Variants in ESS2 observed in about 807,000 individuals in gnomAD.
The protein encoded by ESS2 is ess-2 spliceosome associated protein.
In ESS2, 31 loss-of-function variants were observed where a neutral mutation model predicts 52.0. That is an observed-to-expected ratio of 0.60 (90% confidence interval 0.45 to 0.81). The LOEUF (loss-of-function observed/expected upper bound fraction) is 0.81, where lower values mean the gene tolerates loss of function less well. Among genes scored for constraint, ESS2 ranks in the 30% least tolerant of loss-of-function variants. ESS2 has a pLI of 0.00. For synonymous variants in ESS2, 285 were observed against 259.2 expected (o/e 1.10, Z -0.95); for missense variants, 602 against 637.2 (o/e 0.94, Z 0.59).
In ESS2 at chr22:19,135,480, G is replaced by A. The variant is rs116659906; in HGVS notation, c.1036-305C>T. ...AGAGTGAACATCTCTGTCTTTATCG[G>A]CGCTCTGTATTTCGGGCGCTTCCCC... On this transcript the variant is annotated intron_variant, in intron 8 of 9. Transcript: ENST00000252137. 7.7e-3 allele frequency among the ~76,000 whole-genome samples: 1,171 copies of A among 152,252 alleles called. 19 individuals carry two copies. The highest frequency in any genetic ancestry group is 0.026 in the African/African-American group (1,092 of 41,530).
chr22:19,132,509 T>C lies in ESS2; in HGVS notation c.*1687A>G. The C allele has an allele frequency of 6.4e-7, 1 of 1,570,370 alleles. No individual in the cohort carries two copies. Among genetic ancestry groups the C allele is most frequent in the Non-Finnish European group, 8.7e-7 (1 of 1,154,748 alleles). ...ATGGCCCCGTTGTGTGTGGTGGGGGTCGGGGTTGGGGGGCATGGTGCAGTC... is the reference window on the plus strand; with the variant it reads ...ATGGCCCCGTTGTGTGTGGTGGGGGCCGGGGTTGGGGGGCATGGTGCAGTC... On this transcript the variant is annotated 3_prime_UTR_variant, in exon 10 of 10. Transcript: ENST00000252137. This position sits in a 1 kb window ranked among gnomAD's most constrained non-coding sequence, Gnocchi z 4.2.
rs562207874 is a variant in ESS2 at position 19,130,369 on chromosome 22, T to A, written c.*3827A>T. Reference sequence around the variant, plus strand: ...ACCAACTCAAAGTGCTACAATTTTCTTACTGTTTATATAGGTTGGGGTTAT... The same window carrying A: ...ACCAACTCAAAGTGCTACAATTTTCATACTGTTTATATAGGTTGGGGTTAT... On this transcript the variant is annotated 3_prime_UTR_variant, in exon 10 of 10. Coordinates refer to ENST00000252137, the MANE Select transcript of ESS2 (RefSeq NM_022719.3). The A allele has an allele frequency of 1.2e-5, 2 of 162,024 alleles. No homozygotes were observed. The highest frequency in any genetic ancestry group is 4.8e-5 in the African/African-American group (2 of 41,744). 10.0% of individuals were successfully genotyped at this position (162,024 alleles called of 1,614,324 possible).
intron 3 of ESS2, among the ~76,000 whole-genome samples, chr22:19,140,492 C>T (rs531919793): frequency 1.4e-4 from 21 of 152,254 alleles, no homozygotes; most frequent in African/African-American, 4.6e-4. Flanking sequence ...GGGTGGTCAT[C>T]GCCTAATCAT....
In ESS2 at chr22:19,132,582, G is replaced by GGCAC. The variant is rs1335320412; in HGVS notation, c.*1613_*1614insGTGC. ...GCAGGTAGGATCTGAAGAAGGCACA[G>GGCAC]GTGCAAGTAAAATTCGTCAATTAAA... On this transcript the variant is annotated 3_prime_UTR_variant, in exon 10 of 10. Coordinates refer to ENST00000252137, the MANE Select transcript of ESS2 (RefSeq NM_022719.3). This position sits in a 1 kb window ranked among gnomAD's most constrained non-coding sequence, Gnocchi z 4.2. 1 of 1,168,572 alleles carries GGCAC rather than the reference G, an allele frequency of 8.6e-7. No individual in the cohort carries two copies. Among genetic ancestry groups the GGCAC allele is most frequent in the African/African-American group, 1.5e-5 (1 of 64,770 alleles). The allele number at this position is 1,168,572 out of a possible 1,614,324, so 72.4% of individuals were successfully genotyped here.
chr22:19,138,003 G>A, intron 7 of ESS2: 1 of 985,442 alleles, frequency 1.0e-6, no homozygotes, highest in Non-Finnish European at 1.2e-6. Context: ...TCTCAGGCCA[G>A]GTCTGCCTGA....
chr22:19,143,943 C>T, intron 1 of ESS2: 1 of 665,298 alleles, frequency 1.5e-6, no homozygotes, highest in Non-Finnish European at 1.9e-6. Context: ...TCTGCACCTC[C>T]AGCCAGACCT....
intron 1 of ESS2, among the ~76,000 whole-genome samples, chr22:19,143,787 C>G (rs2083736222): frequency 6.6e-6 from 1 of 152,138 alleles, no homozygotes; most frequent in Non-Finnish European, 1.5e-5. Context: ...ACCCAGGAGG[C>G]AGAGGTTGGT....
In ESS2 at chr22:19,137,379, T is replaced by C; in HGVS notation, c.979A>G (p.Arg327Gly). 1 of 1,613,732 alleles carries C rather than the reference T, an allele frequency of 6.2e-7. No individual in the cohort carries two copies. The highest frequency in any genetic ancestry group is 1.1e-5 in the South Asian group (1 of 91,068). The change falls in exon 8 of 10, where the codon AGA (arginine) becomes GGA (glycine). Residue 327 changes from arginine to glycine, a missense_variant. Physicochemically the swap from Arg to Gly is moderately radical, Grantham distance 125. Transcript: ENST00000252137. ...TWGEVENTPLRVEGSETPYVD... is the reference protein window; with the variant it reads ...TWGEVENTPLGVEGSETPYVD... ...TAGGGCGTTTCCGACCCTTCAACTC[T>C]CAAGGGTGTGTTCTCAACCTCCCCC...
At position 19,132,721 on chromosome 22, in the gene ESS2, G is replaced by T; in HGVS notation, c.*1475C>A. 2.0e-6 allele frequency: 1 copy of T among 507,960 alleles called. No individual in the cohort carries two copies. Among genetic ancestry groups the T allele is most frequent in the Non-Finnish European group, 3.5e-6 (1 of 285,590 alleles). 31.5% of individuals were successfully genotyped at this position (507,960 alleles called of 1,614,324 possible). On this transcript the variant is annotated 3_prime_UTR_variant, in exon 10 of 10. Transcript: ENST00000252137. This position sits in a 1 kb window ranked among gnomAD's most constrained non-coding sequence, Gnocchi z 4.2. Reference sequence around the variant, plus strand: ...GCAAGCATCAAGAGTGCCCAGTGAGGAGTGTTTTTCTCTGGGACTCAGCCA... The same window carrying T: ...GCAAGCATCAAGAGTGCCCAGTGAGTAGTGTTTTTCTCTGGGACTCAGCCA...
intron 8 of ESS2, among the ~76,000 whole-genome samples, chr22:19,136,583 ATC>A (rs2083586187): frequency 6.6e-6 from 1 of 152,126 alleles, no homozygotes; most frequent in African/African-American, 2.4e-5. Context: ...TTCAGAATTT[ATC>A]TGTTTACTGT....
intron 1 of ESS2, 132 bp downstream of exon 1, chr22:19,144,374 T>C: frequency 6.6e-7 from 1 of 1,525,930 alleles, no homozygotes; most frequent in Admixed American, 2.0e-5. Flanking sequence ...ACTTGACTCG[T>C]GGGACCGTCC....
At chr22:19,137,459 T>G in intron 7 of ESS2, 27 bp from the exon 8 acceptor site, 1 of 1,573,802 alleles carries the variant, frequency 6.4e-7, no homozygotes, top group Non-Finnish European at 8.7e-7. Context: ...CAAAACCACC[T>G]CAGGCCAGAG....
In ESS2 at chr22:19,144,083, CCTT is replaced by C. The variant is rs1257023262; in HGVS notation, c.135+420_135+422del. The C allele has an allele frequency of 2.8e-5, 28 of 1,005,720 alleles. No individual in the cohort carries two copies. In the African/African-American group the frequency reaches 3.6e-4, roughly 13 times the overall value. The allele number at this position is 1,005,720 out of a possible 1,614,324, so 62.3% of individuals were successfully genotyped here. On this transcript the variant is annotated intron_variant, in intron 1 of 9. Coordinates refer to ENST00000252137, the MANE Select transcript of ESS2 (RefSeq NM_022719.3). ...TCCGCCAATCCCCGTTTCAGCTCCT[CCTT>C]CTGTGTGCGTGTGGTGGGGCGACGC...
At chr22:19,136,031 T>TCAAA (rs1555914465) in intron 8 of ESS2, among the ~76,000 whole-genome samples, 1 of 92,544 alleles carries the variant, frequency 1.1e-5, no homozygotes, top group African/African-American at 4.4e-5. Context: ...CCCTATCTGT[T>TCAAA]AAAAAAAAAA....
chr22:19,142,261 T>C (rs2083699966), intron 3 of ESS2, among the ~76,000 whole-genome samples: 1 of 152,104 alleles, frequency 6.6e-6, no homozygotes, highest in Non-Finnish European at 1.5e-5. Flanking sequence ...CCTTCCAACA[T>C]CCATGAAGCC....
At chr22:19,138,577 A>C in intron 6 of ESS2, 1 of 599,876 alleles carries the variant, frequency 1.7e-6, no homozygotes. Flanking sequence ...CAGGGCCTCC[A>C]CTCGAGCTGC....
intron 4 of ESS2, 52 bp from the exon 5 acceptor site, chr22:19,139,781 C>T: frequency 6.2e-7 from 1 of 1,612,948 alleles, no homozygotes; most frequent in African/African-American, 1.3e-5. Flanking sequence ...GGGCATTGTA[C>T]CCATGGCCCT....
intron 8 of ESS2, among the ~76,000 whole-genome samples, chr22:19,136,189 C>T (rs557256510): frequency 5.3e-5 from 8 of 152,022 alleles, no homozygotes; most frequent in African/African-American, 7.2e-5. Context: ...TGGTGAAACC[C>T]CATCTCTACT....
chr22:19,131,148 C>T lies in ESS2; in HGVS notation c.*3048G>A, dbSNP rs1407494692. ...AGCGGGCGGGGAGTGGGTGCTCCTG[C>T]CAGACCAGCCTGGCTTCCACGGTTC... On this transcript the variant is annotated 3_prime_UTR_variant, in exon 10 of 10. Transcript: ENST00000252137. The surrounding 1 kb of genome is among the most constrained non-coding windows in gnomAD (Gnocchi z 5.7). The T allele has an allele frequency of 1.5e-5, 7 of 469,546 alleles. No individual in the cohort carries two copies. In the East Asian group the frequency reaches 2.5e-4, roughly 17 times the overall value. 29.1% of individuals were successfully genotyped at this position (469,546 alleles called of 1,614,324 possible).
Sources: allele counts gnomAD v4.1 joint callset (sites outside exome capture counted in the v4.1 genomes callset), GRCh38; gene constraint gnomAD v4.1.1; non-coding constraint Gnocchi (gnomAD v3.1); transcripts MANE v1.5; gene names NCBI Gene and HGNC (gene_info 2026-07-23, HGNC 2026-07-21).